The following DLG2 variants were observed in gnomAD, a reference collection of about 807,000 sequenced individuals.
The protein encoded by DLG2 is discs large MAGUK scaffold protein 2.
DLG2 carries 45 observed loss-of-function variants against 132.5 expected under a neutral mutation model. The ratio of observed to expected loss-of-function variants is 0.34; its 90% CI spans 0.27 to 0.44. The LOEUF (loss-of-function observed/expected upper bound fraction) is 0.44. Ranked by LOEUF, DLG2 falls within the 20% of genes least tolerant of loss-of-function variation. The pLI, the probability that DLG2 is intolerant of heterozygous loss-of-function variation, is 1.00. For missense variants in DLG2, 1,045 were observed against 1,196.9 expected, an observed-to-expected ratio of 0.87 and a Z score of 1.87; for synonymous variants, 424 against 419.6, an observed-to-expected ratio of 1.01 and a Z score of -0.13.
rs572142139 is a variant in DLG2, at chr11:83,829,820, A to G, written c.1722+3794T>C. On this transcript the variant is annotated intron_variant, in intron 17 of 27. Transcript: ENST00000376104. ...ATGCAGGTTTGTTACATATGTACAC[A>G]TGTGCCATGTTGGTGTGCTGCACCC... is the stretch of plus-strand genomic sequence containing the variant. Among the ~76,000 whole-genome samples the G allele has an allele frequency of 2.0e-5, 3 of 152,184 alleles. No homozygotes were observed. The South Asian group carries it at 6.2e-4, about 32-fold the overall frequency.
At chr11:84,174,463 C>T (rs189248790) in intron 8 of DLG2, among the ~76,000 whole-genome samples, 59 of 152,264 alleles carry the variant, frequency 3.9e-4, no homozygotes, top group African/African-American at 1.1e-3. Context: ...TCTTCAAAAA[C>T]GTTTTCTAGC....
rs1445327012 is a variant in DLG2, at chr11:85,212,874, T to A, written c.187-58223A>T. On this transcript the variant is annotated intron_variant, in intron 4 of 27. Transcript: ENST00000376104. Reference sequence around the variant, plus strand: ...CTTTCTCATCCTATTACCTCAACTGTCTCTCTATGTCTTTAAGGCATGAAA... The same window carrying A: ...CTTTCTCATCCTATTACCTCAACTGACTCTCTATGTCTTTAAGGCATGAAA... 2.0e-5 allele frequency among the ~76,000 whole-genome samples: 3 copies of A among 152,236 alleles called. No homozygotes were observed. The East Asian group carries it at 5.8e-4, about 29-fold the overall frequency.
chr11:84,672,385 T>C (rs953355016), intron 6 of DLG2, among the ~76,000 whole-genome samples: 1 of 152,098 alleles, frequency 6.6e-6, no homozygotes, highest in Non-Finnish European at 1.5e-5. Context: ...ATGACACAGG[T>C]ACAGAGACAG....
Position 83,475,712 on chromosome 11 carries a change from T to C in DLG2, c.2294-2935A>G, listed in dbSNP as rs199557591. ...GTTCTCTCTCTTTTCTTTTCTCTCTTCTTTTTTTCTTTTCTTTTCTTTTCT... is the reference window on the plus strand; with the variant it reads ...GTTCTCTCTCTTTTCTTTTCTCTCTCCTTTTTTTCTTTTCTTTTCTTTTCT... On this transcript the variant is annotated intron_variant, in intron 22 of 27. Transcript: ENST00000376104. Among the ~76,000 whole-genome samples the C allele has an allele frequency of 5.6e-4, 75 of 134,658 alleles. 1 individual carries two copies. In the East Asian group the frequency reaches 0.015, roughly 27 times the overall value. The allele number at this position is 134,658 out of a possible 152,430, so 88.3% of individuals were successfully genotyped here. A position where few individuals can be genotyped will look rare whatever the true frequency, so the allele number is the denominator to read the frequency against.
intron 6 of DLG2, among the ~76,000 whole-genome samples, chr11:84,864,340 T>C (rs913853770): frequency 6.6e-6 from 1 of 152,190 alleles, no homozygotes; most frequent in Non-Finnish European, 1.5e-5. Flanking sequence ...AAGTAAACTC[T>C]GTCCTCAGTC....
At position 84,201,521 on chromosome 11, in the gene DLG2, G is replaced by A. The variant is rs1010482690; in HGVS notation, c.574-38010C>T. The stretch of plus-strand genomic sequence containing the variant: ...TTTTGGAACAGTTTCAGTAGAAATC[G>A]TATCAGCTCTTCCTTGGACCTCTGG... On this transcript the variant is annotated intron_variant, in intron 8 of 27. Coordinates refer to ENST00000376104, the MANE Select transcript of DLG2 (RefSeq NM_001142699.3). Among the ~76,000 whole-genome samples the A allele has an allele frequency of 9.3e-5, 14 of 151,302 alleles. 1 individual carries two copies. Among genetic ancestry groups the A allele is most frequent in the South Asian group, 8.4e-4 (4 of 4,782 alleles).
chr11:83,733,716 T>C (rs1216493971), intron 18 of DLG2, among the ~76,000 whole-genome samples: 2 of 152,198 alleles, frequency 1.3e-5, no homozygotes, highest in Non-Finnish European at 2.9e-5. Flanking sequence ...CAACTTCAAA[T>C]CCCTTCATCT....
At chr11:83,692,937 A>C (rs2081238915) in intron 18 of DLG2, 1 of 152,128 alleles carries the variant, frequency 6.6e-6, no homozygotes. Context: ...AGCTTGATGC[A>C]ATGAATCTTT....
chr11:84,400,008 T>A (rs2098824193), intron 7 of DLG2, among the ~76,000 whole-genome samples: 2 of 152,336 alleles, frequency 1.3e-5, no homozygotes, highest in South Asian at 4.1e-4. Context: ...TGGTAGATCC[T>A]CAACAGCTCA....
At chr11:84,884,461 A>T (rs1309114263) in intron 6 of DLG2, among the ~76,000 whole-genome samples, 1 of 152,162 alleles carries the variant, frequency 6.6e-6, no homozygotes, top group Non-Finnish European at 1.5e-5. Context: ...AAATTATAAT[A>T]TTATGCAGAA....
At chr11:83,746,691 C>G (rs1039242467) in intron 18 of DLG2, among the ~76,000 whole-genome samples, 1 of 151,942 alleles carries the variant, frequency 6.6e-6, no homozygotes, top group Non-Finnish European at 1.5e-5. Context: ...CAAACCTGCA[C>G]GTTGTGCACA....
chr11:84,983,602 A>C (rs553553904), intron 6 of DLG2, among the ~76,000 whole-genome samples: 6 of 152,320 alleles, frequency 3.9e-5, no homozygotes, highest in East Asian at 1.9e-4. Flanking sequence ...AACACTCCCC[A>C]AAAAATCACA....
intron 9 of DLG2, among the ~76,000 whole-genome samples, chr11:84,121,335 G>A (rs868148215): frequency 2.6e-5 from 4 of 152,090 alleles, no homozygotes; most frequent in East Asian, 3.9e-4. Context: ...TGGTTATCTG[G>A]TATATAGCAG....
chr11:84,215,362 T>G (rs1054672030), intron 8 of DLG2, among the ~76,000 whole-genome samples: 8 of 152,052 alleles, frequency 5.3e-5, no homozygotes, highest in Non-Finnish European at 1.2e-4. Context: ...GTTTCTGGAT[T>G]AATCAGGATA....
chr11:83,592,605 A>G (rs922341918), intron 19 of DLG2, among the ~76,000 whole-genome samples: 8 of 152,040 alleles, frequency 5.3e-5, no homozygotes, highest in African/African-American at 2.4e-5. Context: ...TGTCCAAAAC[A>G]CCAAAAGCAA....
At chr11:84,772,614 A>T (rs965692506) in intron 6 of DLG2, among the ~76,000 whole-genome samples, 7 of 152,338 alleles carry the variant, frequency 4.6e-5, no homozygotes, top group African/African-American at 1.7e-4. Context: ...CCACAGTGAG[A>T]TAAAAAAAGA....
At chr11:83,878,894 C>G (rs188931650) in intron 15 of DLG2, among the ~76,000 whole-genome samples, 4 of 152,114 alleles carry the variant, frequency 2.6e-5, no homozygotes, top group South Asian at 4.1e-4. Context: ...TATTACTAAG[C>G]CTTTTTAAGA....
chr11:84,904,955 G>T (rs1313871222), intron 6 of DLG2, among the ~76,000 whole-genome samples: 1 of 152,078 alleles, frequency 6.6e-6, no homozygotes, highest in Non-Finnish European at 1.5e-5. Flanking sequence ...ACAGGGTCTC[G>T]CTCTGTCGCC....
chr11:85,054,194 G>A (rs924679627), intron 6 of DLG2, among the ~76,000 whole-genome samples: 1 of 151,304 alleles, frequency 6.6e-6, no homozygotes, highest in Admixed American at 6.6e-5. Context: ...AAACCCAGGT[G>A]GCAGAGATTG....
Sources: allele counts gnomAD v4.1 joint callset (sites outside exome capture counted in the v4.1 genomes callset), GRCh38; gene constraint gnomAD v4.1.1; transcripts MANE v1.5; gene names NCBI Gene and HGNC (gene_info 2026-07-23, HGNC 2026-07-21).